The following MDH1B variants were observed in gnomAD, a reference collection of about 807,000 sequenced individuals.
The protein encoded by MDH1B is malate dehydrogenase 1B.
Under a neutral mutation model 61.4 loss-of-function variants are expected in MDH1B, and 60 were observed. The ratio of observed to expected loss-of-function variants is 0.98; its 90% CI spans 0.79 to 1.21. MDH1B has a LOEUF of 1.21. Ranked by LOEUF, MDH1B falls within the 50% of genes most tolerant of loss-of-function variation. MDH1B has a pLI of 0.00. For synonymous variants in MDH1B, 236 were observed against 218.7 expected (o/e 1.08, Z -0.70); for missense variants, 587 against 632.1 (o/e 0.93, Z 0.76).
intron 10 of MDH1B, among the ~76,000 whole-genome samples, chr2:206,739,936 C>T (rs1368046365): frequency 6.6e-6 from 1 of 152,164 alleles, no homozygotes; most frequent in East Asian, 1.9e-4. Context: ...AGCCTCCTTC[C>T]CTGGCCCCCA....
At chr2:206,743,871 T>G (rs2359722) in intron 9 of MDH1B, among the ~76,000 whole-genome samples, 43,698 of 152,042 alleles carry the variant, frequency 0.29, 8,552 homozygotes, top group East Asian at 0.57. Context: ...TCATCAGCAA[T>G]TCTTGATATT....
chr2:206,746,705 T>C (rs73068035), intron 7 of MDH1B, among the ~76,000 whole-genome samples: 16,015 of 152,128 alleles, frequency 0.11, 1,253 homozygotes, highest in African/African-American at 0.23. Context: ...TGTATTCTTT[T>C]TGTCTGTCTG....
chr2:206,745,730 CT>C (rs140066038), intron 8 of MDH1B, 57 bp from the exon 9 acceptor site: 79,053 of 737,882 alleles, frequency 0.11, 1 homozygote, highest in Non-Finnish European at 0.13. Context: ...CTTAATTCTT[CT>C]TTTTTTTTTT....
intron 4 of MDH1B, among the ~76,000 whole-genome samples, chr2:206,756,235 T>G (rs1439418874): frequency 6.6e-6 from 1 of 152,242 alleles, no homozygotes; most frequent in Non-Finnish European, 1.5e-5. Context: ...GGATCATGGA[T>G]GTTTATTACA....
At chr2:206,758,676 G>C (rs1387897205) in intron 2 of MDH1B, among the ~76,000 whole-genome samples, 1 of 152,106 alleles carries the variant, frequency 6.6e-6, no homozygotes, top group Non-Finnish European at 1.5e-5. Flanking sequence ...TGAGGCAGGA[G>C]AATTGCTTGA....
chr2:206,760,810 A>G, intron 2 of MDH1B, 91 bp downstream of exon 2: 1 of 704,624 alleles, frequency 1.4e-6, no homozygotes, highest in Non-Finnish European at 2.5e-6. Flanking sequence ...AGTCATTCCT[A>G]GAAGCCAGTC....
At chr2:206,752,682 T>G (rs1450722048) in intron 5 of MDH1B, among the ~76,000 whole-genome samples, 3 of 152,182 alleles carry the variant, frequency 2.0e-5, no homozygotes, top group Non-Finnish European at 4.4e-5. Context: ...GGGTTTCATT[T>G]TTCTTATCAG....
chr2:206,745,730 CTTTT>C (rs140066038), intron 8 of MDH1B, 57 bp from the exon 9 acceptor site: 139,119 of 736,196 alleles, frequency 0.19, 6,840 homozygotes, highest in African/African-American at 0.42. Context: ...CTTAATTCTT[CTTTT>C]TTTTTTTTTT....
At chr2:206,744,575 A>G (rs1687987724) in intron 9 of MDH1B, among the ~76,000 whole-genome samples, 2 of 152,126 alleles carry the variant, frequency 1.3e-5, no homozygotes, top group African/African-American at 4.8e-5. Flanking sequence ...GTTGGCTTTT[A>G]ATAAAGTTAT....
At chr2:206,762,611 C>A (rs186964761) in intron 1 of MDH1B, among the ~76,000 whole-genome samples, 59 of 152,328 alleles carry the variant, frequency 3.9e-4, no homozygotes, top group Non-Finnish European at 7.2e-4. Flanking sequence ...CTAGCTATTG[C>A]CTTTCGTATG....
At position 206,749,124 on chromosome 2, in the gene MDH1B, T is replaced by C. The variant is rs1005206329; in HGVS notation, c.1112A>G (p.Gln371Arg). The part of the protein sequence containing the change: ...ILKNLTTTGR[Q>R]FGGILAAHSI... ...GTGTGCAGCCAAAATGCCTCCAAAT[T>C]GTCTTCCTGTGGTGGTCAAGTTTTT... Residue 371 changes from glutamine to arginine, a missense_variant, in exon 7 of 12, where the codon CAA becomes CGA. Physicochemically the swap from Gln to Arg is conservative, Grantham distance 43. Transcript: ENST00000374412. 6.2e-7 allele frequency: 1 copy of C among 1,614,134 alleles called. No individual in the cohort carries two copies. The highest frequency in any genetic ancestry group is 1.3e-5 in the African/African-American group (1 of 75,050).
chr2:206,742,111 T>C (rs1287120108), intron 9 of MDH1B, among the ~76,000 whole-genome samples: 1 of 152,148 alleles, frequency 6.6e-6, no homozygotes, highest in African/African-American at 2.4e-5. Context: ...AATGATGAAC[T>C]CAGAGATTCT....
At chr2:206,739,797 T>C (rs1176064692) in intron 10 of MDH1B, 136 bp from the exon 11 acceptor site, 1 of 715,100 alleles carries the variant, frequency 1.4e-6, no homozygotes, top group Non-Finnish European at 2.4e-6. Context: ...AGTTACAAGA[T>C]GCTAGACCAC....
In MDH1B at chr2:206,738,400, T is replaced by A. The variant is rs560807838; in HGVS notation, c.*83A>T. 14 of 1,052,222 alleles carry A rather than the reference T, an allele frequency of 1.3e-5. No individual in the cohort carries two copies. In the East Asian group the frequency reaches 3.4e-4, roughly 26 times the overall value. 65.2% of individuals were successfully genotyped at this position (1,052,222 alleles called of 1,614,324 possible). On this transcript the variant is annotated 3_prime_UTR_variant, in exon 12 of 12. Coordinates refer to ENST00000374412, the MANE Select transcript of MDH1B (RefSeq NM_001039845.3). Reference sequence around the variant, plus strand: ...TGACATAAATCTTTCAAATTATTCTTCCTTAAATATAGACATTCATATAAA... The same window carrying A: ...TGACATAAATCTTTCAAATTATTCTACCTTAAATATAGACATTCATATAAA...
At chr2:206,763,306 T>A (rs866463322) in intron 1 of MDH1B, among the ~76,000 whole-genome samples, 2 of 151,848 alleles carry the variant, frequency 1.3e-5, no homozygotes, top group Non-Finnish European at 2.9e-5. Context: ...GGGAACAATG[T>A]TTAACTCCTT....
chr2:206,740,902 C>A, intron 10 of MDH1B, 152 bp downstream of exon 10: 1 of 1,050,808 alleles, frequency 9.5e-7, no homozygotes. Context: ...CATTTTTATG[C>A]CCATTTCAAA....
At chr2:206,745,598 A>C in intron 9 of MDH1B, 24 bp downstream of exon 9, 1 of 1,574,496 alleles carries the variant, frequency 6.4e-7, no homozygotes. Context: ...GCAGTCCAAT[A>C]AAACATCACG....
intron 2 of MDH1B, among the ~76,000 whole-genome samples, chr2:206,759,200 A>G (rs1254058216): frequency 6.6e-6 from 1 of 151,854 alleles, no homozygotes; most frequent in African/African-American, 2.4e-5. Context: ...TGTTCTTATC[A>G]TTTAGCCCCC....
intron 2 of MDH1B, among the ~76,000 whole-genome samples, chr2:206,760,532 C>T (rs984428835): frequency 2.0e-5 from 3 of 152,150 alleles, no homozygotes; most frequent in Non-Finnish European, 4.4e-5. Context: ...CCAAAATCTA[C>T]ATCTCAAAGT....
Sources: allele counts gnomAD v4.1 joint callset (sites outside exome capture counted in the v4.1 genomes callset), GRCh38; gene constraint gnomAD v4.1.1; transcripts MANE v1.5; gene names NCBI Gene and HGNC (gene_info 2026-07-23, HGNC 2026-07-21).